The following GOLIM4 variants were observed in gnomAD, a reference collection of about 807,000 sequenced individuals.
The protein encoded by GOLIM4 is golgi integral membrane protein 4, also known as 130 kDa golgi-localized phosphoprotein.
A neutral mutation model predicts 107.4 loss-of-function variants in GOLIM4; 71 were observed. That is an observed-to-expected ratio of 0.66 (90% confidence interval 0.55 to 0.81). The LOEUF (loss-of-function observed/expected upper bound fraction) is 0.81, where lower values mean the gene tolerates loss of function less well. Ranked by LOEUF, GOLIM4 falls within the 30% of genes least tolerant of loss-of-function variation. The pLI is 0.00. For synonymous variants in GOLIM4, 327 were observed against 294.8 expected (o/e 1.11, Z -1.12); for missense variants, 830 against 826.1 (o/e 1.00, Z -0.06).
intron 3 of GOLIM4, 145 bp downstream of exon 3, chr3:168,046,805 C>CAAA (rs1719330723): frequency 5.0e-6 from 2 of 398,112 alleles, no homozygotes; most frequent in Non-Finnish European, 4.4e-6. Context: ...TTTTTGGCAG[C>CAAA]CAAAAAAAAA....
intron 14 of GOLIM4, among the ~76,000 whole-genome samples, chr3:168,018,912 C>T (rs55691202): frequency 0.057 from 8,616 of 150,750 alleles, 281 homozygotes; most frequent in Non-Finnish European, 0.07. Context: ...TGTGAAGGGC[C>T]AGATAGCAAA....
intron 1 of GOLIM4, among the ~76,000 whole-genome samples, chr3:168,081,031 T>C (rs1721335957): frequency 6.6e-6 from 1 of 152,090 alleles, no homozygotes; most frequent in Admixed American, 6.5e-5. Flanking sequence ...CACTGTGAAG[T>C]CAAGACAAGC....
intron 1 of GOLIM4, among the ~76,000 whole-genome samples, chr3:168,081,311 C>A (rs1239906282): frequency 6.6e-6 from 1 of 152,196 alleles, no homozygotes; most frequent in Non-Finnish European, 1.5e-5. Flanking sequence ...TCCTCCAGCA[C>A]ATGTGAGACT....
intron 7 of GOLIM4, among the ~76,000 whole-genome samples, chr3:168,039,779 C>T (rs1718873393): frequency 6.6e-6 from 1 of 152,052 alleles, no homozygotes; most frequent in Non-Finnish European, 1.5e-5. Flanking sequence ...TAAAATAATA[C>T]TTGACAAAAA....
intron 1 of GOLIM4, among the ~76,000 whole-genome samples, chr3:168,077,841 A>G (rs1721148527): frequency 6.6e-6 from 1 of 152,192 alleles, no homozygotes; most frequent in Non-Finnish European, 1.5e-5. Flanking sequence ...AAAATAAACT[A>G]TAATATACAG....
At chr3:168,062,960 G>C (rs925929554) in intron 1 of GOLIM4, among the ~76,000 whole-genome samples, 8 of 152,132 alleles carry the variant, frequency 5.3e-5, no homozygotes, top group African/African-American at 1.9e-4. Flanking sequence ...TCTAATGCTT[G>C]ATAGAGTTAT....
intron 1 of GOLIM4, 105 bp from the exon 2 acceptor site, chr3:168,048,470 A>T: frequency 1.6e-6 from 1 of 616,648 alleles, no homozygotes; most frequent in Non-Finnish European, 2.9e-6. Flanking sequence ...GTCTTTACAC[A>T]ATTTAAATAA....
intron 5 of GOLIM4, 112 bp from the exon 6 acceptor site, chr3:168,041,586 C>G: frequency 1.7e-6 from 1 of 603,232 alleles, no homozygotes; most frequent in South Asian, 2.2e-5. Context: ...TTATTTTGAA[C>G]TCAGACAATA....
intron 1 of GOLIM4, among the ~76,000 whole-genome samples, chr3:168,072,396 G>C (rs1050064208): frequency 1.3e-5 from 2 of 149,718 alleles, no homozygotes; most frequent in African/African-American, 4.9e-5. Flanking sequence ...AAAAAAAAAG[G>C]TTCTGAAAGA....
intron 14 of GOLIM4, among the ~76,000 whole-genome samples, chr3:168,021,933 T>C (rs1717712426): frequency 1.3e-5 from 2 of 152,202 alleles, no homozygotes; most frequent in Admixed American, 1.3e-4. Context: ...GGCAATGCCA[T>C]AAATTGTCTT....
At chr3:168,061,859 G>T (rs1200242100) in intron 1 of GOLIM4, among the ~76,000 whole-genome samples, 2 of 152,180 alleles carry the variant, frequency 1.3e-5, no homozygotes, top group African/African-American at 2.4e-5. Context: ...TGCCAGTGAT[G>T]TTCTGATTCT....
rs1051284058 is a variant in GOLIM4, at chr3:168,067,867, T to C, written c.188-19502A>G. Among the ~76,000 whole-genome samples the C allele has an allele frequency of 2.6e-5, 4 of 151,966 alleles. 1 individual carries two copies. The South Asian group carries it at 6.2e-4, about 24-fold the overall frequency. ...TAAGGCAGAAAGAACAACAACCCTGTATTATCGATATGCAAAATATACCTG... is the reference window on the plus strand; with the variant it reads ...TAAGGCAGAAAGAACAACAACCCTGCATTATCGATATGCAAAATATACCTG... On this transcript the variant is annotated intron_variant, in intron 1 of 15. Transcript: ENST00000470487.
chr3:168,084,307 A>G (rs1577577675), intron 1 of GOLIM4, among the ~76,000 whole-genome samples: 1 of 152,094 alleles, frequency 6.6e-6, no homozygotes, highest in Non-Finnish European at 1.5e-5. Flanking sequence ...AACTAAGCCT[A>G]TTTTCTATAT....
intron 1 of GOLIM4, among the ~76,000 whole-genome samples, chr3:168,068,523 T>C (rs948863071): frequency 6.6e-6 from 1 of 152,126 alleles, no homozygotes; most frequent in Non-Finnish European, 1.5e-5. Flanking sequence ...CAATTTGTTC[T>C]TTTTTTCTGC....
chr3:168,021,605 GCA>G, intron 14 of GOLIM4, among the ~76,000 whole-genome samples: 1 of 152,234 alleles, frequency 6.6e-6, no homozygotes, highest in East Asian at 1.9e-4. Flanking sequence ...GGCGGAGGTT[GCA>G]GTGAGCCGAG....
At position 168,076,652 on chromosome 3, in the gene GOLIM4, C is replaced by T. The variant is rs532233026; in HGVS notation, c.187+18447G>A. Among the ~76,000 whole-genome samples, 213 of 152,320 alleles carry T rather than the reference C, an allele frequency of 1.4e-3. 1 individual carries two copies. Among genetic ancestry groups the T allele is most frequent in the African/African-American group, 5.1e-3 (210 of 41,566 alleles). On this transcript the variant is annotated intron_variant, in intron 1 of 15. Coordinates refer to ENST00000470487, the MANE Select transcript of GOLIM4 (RefSeq NM_014498.5). Reference sequence around the variant, plus strand: ...GTTGCAGTGAGCCAAGATTGCACCACTACACTCCAGCCTGGGCAACAGAGT... The same window carrying T: ...GTTGCAGTGAGCCAAGATTGCACCATTACACTCCAGCCTGGGCAACAGAGT...
intron 1 of GOLIM4, among the ~76,000 whole-genome samples, chr3:168,087,245 TA>T (rs1299280464): frequency 2.6e-5 from 4 of 152,176 alleles, no homozygotes; most frequent in Non-Finnish European, 4.4e-5. Context: ...TACATAGCAT[TA>T]ATGATTGGTA....
intron 1 of GOLIM4, among the ~76,000 whole-genome samples, chr3:168,056,980 T>C (rs1219704057): frequency 6.6e-6 from 1 of 151,978 alleles, no homozygotes; most frequent in Non-Finnish European, 1.5e-5. Context: ...GGGTCAGGGG[T>C]GGAATGATAT....
chr3:168,037,356 A>G (rs1168320865), intron 7 of GOLIM4, among the ~76,000 whole-genome samples: 1 of 152,196 alleles, frequency 6.6e-6, no homozygotes, highest in Non-Finnish European at 1.5e-5. Context: ...ATATAATTAT[A>G]AAAATACAAG....
Sources: gnomAD v4.1 joint callset for allele counts (sites outside exome capture counted in the v4.1 genomes callset) on GRCh38, gnomAD v4.1.1 for gene constraint, MANE v1.5 for transcripts, NCBI Gene and HGNC (gene_info 2026-07-23, HGNC 2026-07-21) for gene names.